Variants in KLF8 observed in about 807,000 individuals in gnomAD.
KLF8 encodes Krueppel-like factor 8.
In KLF8, 10 loss-of-function variants were observed where a neutral mutation model predicts 18.2. That is an observed-to-expected ratio of 0.55 (90% CI 0.34 to 0.93). KLF8 has a LOEUF of 0.93. Among genes scored for constraint, KLF8 ranks in the 40% least tolerant of loss-of-function variants. The pLI is 0.02. For synonymous variants in KLF8, 109 were observed against 97.3 expected, an observed-to-expected ratio of 1.12 and a Z score of -0.71; for missense variants, 264 against 277.9, an observed-to-expected ratio of 0.95 and a Z score of 0.36.
the KLF8 span, among the ~76,000 whole-genome samples, chrX:56,037,882 C>T: frequency 9.0e-6 from 1 of 111,612 alleles, no homozygotes; most frequent in Non-Finnish European, 1.9e-5. Flanking sequence ...TGGCTACAGT[C>T]ACCCTGTTTT....
chrX:56,109,679 T>G, the KLF8 span, among the ~76,000 whole-genome samples: 3 of 112,174 alleles, frequency 2.7e-5, no homozygotes, highest in African/African-American at 9.7e-5. Context: ...TGTGCATGCA[T>G]GTTTATAATT....
chrX:56,088,117 C>A, the KLF8 span, among the ~76,000 whole-genome samples: 1 of 111,225 alleles, frequency 9.0e-6, no homozygotes, highest in Non-Finnish European at 1.9e-5. Flanking sequence ...GAAATATGGT[C>A]TTTTTTGGAA....
chrX:56,047,292 T>A, the KLF8 span, among the ~76,000 whole-genome samples: 2 of 109,856 alleles, frequency 1.8e-5, no homozygotes, highest in African/African-American at 6.6e-5. Flanking sequence ...ATACTTTAAG[T>A]TTTAGGGTAC....
At chrX:56,177,156 C>G in the KLF8 span, among the ~76,000 whole-genome samples, 3 of 111,819 alleles carry the variant, frequency 2.7e-5, no homozygotes, top group East Asian at 8.4e-4. Context: ...GAGCTGCATT[C>G]CTTTGGAGGA....
At chrX:56,210,952 TC>T in the KLF8 span, among the ~76,000 whole-genome samples, 12 of 110,785 alleles carry the variant, frequency 1.1e-4, no homozygotes, top group African/African-American at 3.9e-4. Context: ...CTCTGTGGTA[TC>T]TTGAATTTCC....
chrX:56,210,188 T>C, the KLF8 span, among the ~76,000 whole-genome samples: 1 of 112,118 alleles, frequency 8.9e-6, no homozygotes, highest in African/African-American at 3.2e-5. Flanking sequence ...TCCTTTCCTT[T>C]TTGATTGAAA....
At chrX:56,101,765 T>C in the KLF8 span, among the ~76,000 whole-genome samples, 1 of 112,302 alleles carries the variant, frequency 8.9e-6, no homozygotes, top group African/African-American at 3.2e-5. Context: ...GAAGTGCCTG[T>C]CCATGTCCTT....
the KLF8 span, among the ~76,000 whole-genome samples, chrX:56,224,096 A>G: frequency 2.7e-5 from 3 of 110,623 alleles, no homozygotes; most frequent in Non-Finnish European, 3.8e-5. Context: ...GGGCAATGAG[A>G]CACCTTTGAG....
chrX:56,180,125 C>CT, the KLF8 span, among the ~76,000 whole-genome samples: 1 of 111,268 alleles, frequency 9.0e-6, no homozygotes, highest in Admixed American at 9.6e-5. Flanking sequence ...TGATCCTGGA[C>CT]TTTTTTTGGT....
At chrX:56,122,434 A>T in the KLF8 span, among the ~76,000 whole-genome samples, 11 of 111,683 alleles carry the variant, frequency 9.8e-5, no homozygotes, top group South Asian at 3.8e-3. Context: ...TGCAAAATAT[A>T]TGATACTTGG....
chrX:55,968,463 A>T, the KLF8 span, among the ~76,000 whole-genome samples: 2 of 112,211 alleles, frequency 1.8e-5, no homozygotes, highest in Non-Finnish European at 3.8e-5. Context: ...GTGAAAATAG[A>T]TTTTTAAGGT....
chrX:56,012,548 C>T, the KLF8 span, among the ~76,000 whole-genome samples: 1 of 111,810 alleles, frequency 8.9e-6, no homozygotes, highest in South Asian at 3.7e-4. Flanking sequence ...GACAAGGATG[C>T]ACTCTCTCAA....
At chrX:55,924,849 C>CTTTTTTT in the KLF8 span, among the ~76,000 whole-genome samples, 71 of 42,935 alleles carry the variant, frequency 1.7e-3, no homozygotes, top group Admixed American at 2.1e-3. Flanking sequence ...TTGTTTTTTG[C>CTTTTTTT]TTTTTTTTTT....
intron 1 of KLF8, among the ~76,000 whole-genome samples, chrX:56,249,492 T>C (rs775304234): frequency 1.8e-5 from 2 of 112,000 alleles, no homozygotes; most frequent in South Asian, 7.5e-4. Context: ...TAAGCTAACC[T>C]TAATTTAACA....
At chrX:55,954,430 T>C in the KLF8 span, among the ~76,000 whole-genome samples, 1 of 111,648 alleles carries the variant, frequency 9.0e-6, no homozygotes, top group Non-Finnish European at 1.9e-5. Context: ...CAAATGACCA[T>C]ATGAGAGAAA....
chrX:56,237,841 ACT>A (rs1463707224), intron 1 of KLF8, among the ~76,000 whole-genome samples: 1 of 111,154 alleles, frequency 9.0e-6, no homozygotes, highest in African/African-American at 3.3e-5. Flanking sequence ...TTTCATGAGG[ACT>A]CTCTTTCTGA....
the KLF8 span, among the ~76,000 whole-genome samples, chrX:56,106,157 C>T: frequency 9.0e-6 from 1 of 110,896 alleles, no homozygotes; most frequent in Admixed American, 9.6e-5. Flanking sequence ...ACATGTTTTC[C>T]TCCATTTCAG....
At chrX:56,116,210 C>T in the KLF8 span, among the ~76,000 whole-genome samples, 1 of 112,809 alleles carries the variant, frequency 8.9e-6, no homozygotes, top group African/African-American at 3.2e-5. Context: ...GGCTGCAAGC[C>T]TGAATGCTCA....
chrX:56,053,557 T>TTTGGG, the KLF8 span, among the ~76,000 whole-genome samples: 6 of 105,924 alleles, frequency 5.7e-5, no homozygotes, highest in African/African-American at 2.0e-4. Context: ...TTTTTTTTTT[T>TTTGGG]GGGGAATAGT....
Sources: allele counts gnomAD v4.1 joint callset (sites outside exome capture counted in the v4.1 genomes callset), GRCh38; gene constraint gnomAD v4.1.1; transcripts MANE v1.5; gene names NCBI Gene and HGNC (gene_info 2026-07-23, HGNC 2026-07-21).